Variants in PLAGL1 observed in about 807,000 individuals in gnomAD.
PLAGL1 encodes zinc finger protein PLAGL1.
In PLAGL1, 1 loss-of-function variant was observed where a neutral mutation model predicts 4.6. That is an observed-to-expected ratio of 0.22 (90% CI 0.08 to 1.03). The LOEUF (loss-of-function observed/expected upper bound fraction) is 1.03. Among genes scored for constraint, PLAGL1 ranks in the 50% least tolerant of loss-of-function variants. The pLI is 0.58. For missense variants in PLAGL1, 464 were observed against 570.4 expected (o/e 0.81, Z 1.90); for synonymous variants, 240 against 237.8 (o/e 1.01, Z -0.08).
chr6:144,004,395 C>T lies in PLAGL1; in HGVS notation c.-584+3695G>A, dbSNP rs1793684272. The stretch of plus-strand genomic sequence containing the variant: ...CATGCAGTGGGTTGGAATTGGCCCA[C>T]AGGCCATAGTTTGCCAACCCTTGAT... On this transcript the variant is annotated intron_variant, in intron 1 of 7. Coordinates refer to ENST00000674357, the MANE Select transcript of PLAGL1 (RefSeq NM_001317162.2). This position sits in a 1 kb window ranked among gnomAD's most constrained non-coding sequence, Gnocchi z 4.2. Among the ~76,000 whole-genome samples the T allele has an allele frequency of 6.6e-6, 1 of 152,188 alleles. No homozygotes were observed. Among genetic ancestry groups the T allele is most frequent in the South Asian group, 2.1e-4 (1 of 4,824 alleles).
chr6:144,024,575 C>T (rs1288956698), intron 1 of PLAGL1, among the ~76,000 whole-genome samples: 1 of 152,182 alleles, frequency 6.6e-6, no homozygotes, highest in East Asian at 1.9e-4. Context: ...CCTCCTTAGC[C>T]ATGTGGAACT....
chr6:144,005,882 A>G lies in PLAGL1; in HGVS notation c.-584+2208T>C, dbSNP rs763308573. 1.2e-4 allele frequency: 18 copies of G among 152,038 alleles called. No homozygotes were observed. Among genetic ancestry groups the G allele is most frequent in the Non-Finnish European group, 1.8e-4 (12 of 67,980 alleles). The allele number at this position is 152,038 out of a possible 1,614,324, so 9.4% of individuals were successfully genotyped here. A position where few individuals can be genotyped will look rare whatever the true frequency, so the allele number is the denominator to read the frequency against. ...AACAGAAATTATTGAGGTAAATACA[A>G]TATGTTAGCATTTTAAAACGCTGAA... is the stretch of plus-strand genomic sequence containing the variant. On this transcript the variant is annotated intron_variant, in intron 1 of 7. Coordinates refer to ENST00000674357, the MANE Select transcript of PLAGL1 (RefSeq NM_001317162.2). The surrounding 1 kb of genome is among the most constrained non-coding windows in gnomAD (Gnocchi z 4.6).
chr6:143,971,020 T>C lies in PLAGL1; in HGVS notation c.-543-2042A>G, dbSNP rs1258426350. ...TCTGCCTCTCCCTACTTTGGTATTA[T>C]GTCACACAAAATTACTTCCAGAAAC... On this transcript the variant is annotated intron_variant, in intron 2 of 7. Transcript: ENST00000674357. The surrounding 1 kb of genome is among the most constrained non-coding windows in gnomAD (Gnocchi z 4.7). Among the ~76,000 whole-genome samples, 3 of 152,310 alleles carry C rather than the reference T, an allele frequency of 2.0e-5. No individual in the cohort carries two copies. The East Asian group carries it at 5.8e-4, about 29-fold the overall frequency.
rs531117144 is a variant in PLAGL1 at position 143,942,819 on chromosome 6, A to G, written c.153-156T>C. Among the ~76,000 whole-genome samples the G allele has an allele frequency of 6.6e-5, 10 of 152,194 alleles. No individual in the cohort carries two copies. Among genetic ancestry groups the G allele is most frequent in the African/African-American group, 2.4e-4 (10 of 41,456 alleles). ...ATATTTTCCAAATATATAAACTTTT[A>G]TAATTAAGAAAAGCAAGCAATACTA... On this transcript the variant is annotated intron_variant, in intron 7 of 7. Transcript: ENST00000674357. This position sits in a 1 kb window ranked among gnomAD's most constrained non-coding sequence, Gnocchi z 7.6.
In PLAGL1 at chr6:144,036,758, C is replaced by A; in HGVS notation, c.-151+27710G>T. On this transcript the variant is annotated intron_variant, in intron 1 of 3. Coordinates refer to the PLAGL1 transcript ENST00000437412. This position sits in a 1 kb window ranked among gnomAD's most constrained non-coding sequence, Gnocchi z 5.1. The stretch of plus-strand genomic sequence containing the variant: ...CAGAAATTGTGCAACTTCCAGAAAA[C>A]TGCTCTAAGACAAGCAAGAAGGCAG... 3.1e-6 allele frequency: 1 copy of A among 327,788 alleles called. No individual in the cohort carries two copies. Among genetic ancestry groups the A allele is most frequent in the South Asian group, 2.5e-5 (1 of 40,474 alleles). 20.3% of individuals were successfully genotyped at this position (327,788 alleles called of 1,614,324 possible).
intron 1 of PLAGL1, among the ~76,000 whole-genome samples, chr6:143,998,670 A>G (rs1390859040): frequency 1.3e-5 from 2 of 152,216 alleles, no homozygotes; most frequent in Non-Finnish European, 2.9e-5. Flanking sequence ...AGAATTTAAC[A>G]AGGGCTATAG....
At chr6:143,976,102 T>G (rs1786461785) in intron 2 of PLAGL1, among the ~76,000 whole-genome samples, 1 of 152,014 alleles carries the variant, frequency 6.6e-6, no homozygotes, top group Non-Finnish European at 1.5e-5. Context: ...ACCCTATTAC[T>G]GGGCGGTGGC....
chr6:143,981,053 C>T (rs541127114), intron 2 of PLAGL1, among the ~76,000 whole-genome samples: 81 of 152,270 alleles, frequency 5.3e-4, no homozygotes, highest in Non-Finnish European at 9.3e-4. Flanking sequence ...CTACATGGCC[C>T]ACATATCCTA....
At chr6:144,060,612 G>GA (rs370261678) in intron 1 of PLAGL1, among the ~76,000 whole-genome samples, 1 of 152,014 alleles carries the variant, frequency 6.6e-6, no homozygotes, top group Non-Finnish European at 1.5e-5. Flanking sequence ...CTCTTCCCAA[G>GA]AAAAAAATGA....
In PLAGL1 at chr6:143,958,622, C is replaced by A. The variant is rs1178803862; in HGVS notation, c.-325+1847G>T. 6.6e-6 allele frequency among the ~76,000 whole-genome samples: 1 copy of A among 152,090 alleles called. No homozygotes were observed. The highest frequency in any genetic ancestry group is 2.4e-5 in the African/African-American group (1 of 41,406). ...CTTTCCATGTCATGTCCAATAAATT[C>A]AAAGGATGCAAAGCAAATTGTTCAT... On this transcript the variant is annotated intron_variant, in intron 6 of 7. Coordinates refer to ENST00000674357, the MANE Select transcript of PLAGL1 (RefSeq NM_001317162.2). This position sits in a 1 kb window ranked among gnomAD's most constrained non-coding sequence, Gnocchi z 5.1.
chr6:144,025,308 G>A (rs1796255502), intron 1 of PLAGL1, among the ~76,000 whole-genome samples: 1 of 152,222 alleles, frequency 6.6e-6, no homozygotes, highest in Admixed American at 6.5e-5. Context: ...GTGAGAGACT[G>A]TCACAGCCAA....
At chr6:144,017,781 C>A (rs1156341374) in intron 1 of PLAGL1, among the ~76,000 whole-genome samples, 1 of 152,182 alleles carries the variant, frequency 6.6e-6, no homozygotes, top group Admixed American at 6.5e-5. Flanking sequence ...ATCTGCTCTC[C>A]CCTGGAAATC....
intron 1 of PLAGL1, among the ~76,000 whole-genome samples, chr6:144,035,652 A>G (rs140232686): frequency 2.8e-4 from 43 of 152,216 alleles, no homozygotes; most frequent in African/African-American, 9.4e-4. Context: ...ATTCAATATT[A>G]ACCATCACAG....
chr6:143,981,947 T>G (rs1310661015), intron 2 of PLAGL1, among the ~76,000 whole-genome samples: 1 of 152,196 alleles, frequency 6.6e-6, no homozygotes, highest in African/African-American at 2.4e-5. Flanking sequence ...TTTTTAAGAT[T>G]TTTCTTTTTC....
In PLAGL1 at chr6:143,942,474, C is replaced by T. The variant is rs778809798; in HGVS notation, c.342G>A (p.Ala114=). ...LGYKRHLALH[A]ASSGDLTCGV... is the part of the protein sequence containing the mutation. ...CACAGGTGAGGTCCCCACTGCTGGC[C>T]GCATGGAGGGCCAGGTGCCTCTTAT... The change falls in exon 8 of 8, where the codon GCG becomes GCA. Residue 114 remains alanine, a synonymous_variant. Coordinates refer to ENST00000674357, the MANE Select transcript of PLAGL1 (RefSeq NM_001317162.2). This position sits in a 1 kb window ranked among gnomAD's most constrained non-coding sequence, Gnocchi z 7.6. The T allele has an allele frequency of 1.8e-5, 29 of 1,614,024 alleles. No individual in the cohort carries two copies. Among genetic ancestry groups the T allele is most frequent in the African/African-American group, 4.0e-5 (3 of 74,916 alleles).
rs1402123279 is a variant in PLAGL1 at position 143,953,859 on chromosome 6, A to C, written c.-324-5399T>G. Among the ~76,000 whole-genome samples, 1 of 152,184 alleles carries C rather than the reference A, an allele frequency of 6.6e-6. No individual in the cohort carries two copies. The highest frequency in any genetic ancestry group is 2.4e-5 in the African/African-American group (1 of 41,436). ...ACAGTAGGTACTTCTGGAAGTGAGG[A>C]TGGAAACAGGTATGAAAGCAGCAGG... On this transcript the variant is annotated intron_variant, in intron 6 of 7. Coordinates refer to ENST00000674357, the MANE Select transcript of PLAGL1 (RefSeq NM_001317162.2). The surrounding 1 kb of genome is among the most constrained non-coding windows in gnomAD (Gnocchi z 5.3).
Position 144,050,625 on chromosome 6 carries a change from C to T in PLAGL1, c.-151+13843G>A, listed in dbSNP as rs1798512504. 6.6e-6 allele frequency among the ~76,000 whole-genome samples: 1 copy of T among 152,166 alleles called. No individual in the cohort carries two copies. The highest frequency in any genetic ancestry group is 6.5e-5 in the Admixed American group (1 of 15,280). Reference sequence around the variant, plus strand: ...CATCTCTGTGTCAGGTGCAGTGGCTCATGTCTATAATCCCAGCACTTTGGG... The same window carrying T: ...CATCTCTGTGTCAGGTGCAGTGGCTTATGTCTATAATCCCAGCACTTTGGG... On this transcript the variant is annotated intron_variant, in intron 1 of 3. Transcript: ENST00000437412. This position sits in a 1 kb window ranked among gnomAD's most constrained non-coding sequence, Gnocchi z 4.3.
At chr6:144,051,164 A>G (rs1798554902) in intron 1 of PLAGL1, among the ~76,000 whole-genome samples, 1 of 152,344 alleles carries the variant, frequency 6.6e-6, no homozygotes, top group African/African-American at 2.4e-5. Context: ...TACTTTCTCT[A>G]AGTTTTCTAT....
rs997128142 is a variant in PLAGL1, at chr6:143,954,853, C to T, written c.-325+5616G>A. On this transcript the variant is annotated intron_variant, in intron 6 of 7. Coordinates refer to ENST00000674357, the MANE Select transcript of PLAGL1 (RefSeq NM_001317162.2). The surrounding 1 kb of genome is among the most constrained non-coding windows in gnomAD (Gnocchi z 5.1). ...CCACACACAAGATTAGAAAGCCTGG[C>T]AAGGTGTTTGATTATAAAAATCAAA... Among the ~76,000 whole-genome samples, 3 of 152,164 alleles carry T rather than the reference C, an allele frequency of 2.0e-5. No individual in the cohort carries two copies. Among genetic ancestry groups the T allele is most frequent in the Admixed American group, 6.5e-5 (1 of 15,276 alleles).
Sources: allele counts gnomAD v4.1 joint callset (sites outside exome capture counted in the v4.1 genomes callset), GRCh38; gene constraint gnomAD v4.1.1; non-coding constraint Gnocchi (gnomAD v3.1); transcripts MANE v1.5; gene names NCBI Gene and HGNC (gene_info 2026-07-23, HGNC 2026-07-21).